Variants in DCAF13 observed in about 807,000 individuals in gnomAD.
DCAF13 encodes the protein DDB1 and CUL4 associated factor 13, also known as DDB1- and CUL4-associated factor 13.
DCAF13 carries 38 observed loss-of-function variants against 59.0 expected under a neutral mutation model. That is an observed-to-expected ratio of 0.64 (90% confidence interval 0.50 to 0.84). The LOEUF (loss-of-function observed/expected upper bound fraction) is 0.84, where lower values mean the gene tolerates loss of function less well. DCAF13 is among the 40% of genes least tolerant of loss of function. The pLI, the probability that DCAF13 is intolerant of heterozygous loss-of-function variation, is 0.00. For missense variants in DCAF13, 469 were observed against 558.4 expected (o/e 0.84, Z 1.61); for synonymous variants, 173 against 175.0 (o/e 0.99, Z 0.09).
chr8:103,424,542 C>T (rs186623337), intron 3 of DCAF13, among the ~76,000 whole-genome samples: 103 of 152,326 alleles, frequency 6.8e-4, no homozygotes, highest in African/African-American at 2.5e-3. Context: ...ATGTTCTAGC[C>T]AGGCACATAT....
chr8:103,421,371 G>T, intron 3 of DCAF13: 1 of 476,124 alleles, frequency 2.1e-6, no homozygotes, highest in Non-Finnish European at 3.9e-6. Context: ...ATGCTAAGAT[G>T]AGTAATTTGT....
intron 7 of DCAF13, 92 bp downstream of exon 7, chr8:103,432,833 G>A: frequency 4.1e-6 from 3 of 726,008 alleles, no homozygotes; most frequent in East Asian, 2.6e-5. Flanking sequence ...CACTAGGTAG[G>A]TATACCTATA....
At chr8:103,420,943 T>C in intron 2 of DCAF13, 32 bp from the exon 3 acceptor site, 1 of 1,348,764 alleles carries the variant, frequency 7.4e-7, no homozygotes, top group Non-Finnish European at 1.1e-6. Context: ...CATTTATAGT[T>C]CACTGAAATT....
chr8:103,425,452 C>CA (rs1217251794), intron 3 of DCAF13, among the ~76,000 whole-genome samples: 1 of 152,184 alleles, frequency 6.6e-6, no homozygotes, highest in Non-Finnish European at 1.5e-5. Context: ...AGTGAAAAGA[C>CA]AAACTATGTC....
intron 1 of DCAF13, among the ~76,000 whole-genome samples, chr8:103,416,202 G>C (rs752800901): frequency 6.6e-6 from 1 of 152,202 alleles, no homozygotes; most frequent in Non-Finnish European, 1.5e-5. Context: ...TGTGTCATTA[G>C]TTTGAATGAG....
intron 1 of DCAF13, among the ~76,000 whole-genome samples, chr8:103,418,872 T>TATATATATATATATATATA: frequency 3.1e-5 from 1 of 31,870 alleles, no homozygotes; most frequent in African/African-American, 1.1e-4. Context: ...ATATATTTTT[T>TATATATATATATATATATA]TTTTTTTTTT....
chr8:103,415,703 T>C (rs1185145069), intron 1 of DCAF13, among the ~76,000 whole-genome samples, 187 bp downstream of exon 1: 1 of 152,172 alleles, frequency 6.6e-6, no homozygotes, highest in Non-Finnish European at 1.5e-5. Flanking sequence ...GTAAAGTCTG[T>C]TCAAGTCCTT....
At chr8:103,426,952 C>G (rs1816799431) in intron 4 of DCAF13, 145 bp from the exon 5 acceptor site, 1 of 555,464 alleles carries the variant, frequency 1.8e-6, no homozygotes, top group Non-Finnish European at 3.0e-6. Context: ...TATTGTTTCC[C>G]CCTTTAAGTA....
chr8:103,440,363 G>T, intron 9 of DCAF13, 92 bp downstream of exon 9: 1 of 1,209,984 alleles, frequency 8.3e-7, no homozygotes, highest in Non-Finnish European at 1.1e-6. Context: ...GGTATTTTTG[G>T]GTATTTTGAT....
intron 9 of DCAF13, 79 bp from the exon 10 acceptor site, chr8:103,441,376 A>G (rs1586136148): frequency 2.2e-6 from 3 of 1,362,918 alleles, no homozygotes; most frequent in East Asian, 4.9e-5. Context: ...GGTTAGGGGG[A>G]AAAGGGTGCT....
At chr8:103,437,979 C>T (rs1816954202) in intron 8 of DCAF13, among the ~76,000 whole-genome samples, 1 of 152,052 alleles carries the variant, frequency 6.6e-6, no homozygotes, top group African/African-American at 2.4e-5. Flanking sequence ...AATAGTAGAA[C>T]TTTTGGTGAG....
rs547637799 is a variant in DCAF13, at chr8:103,426,877, G to A, written c.469-220G>A. 3.3e-5 allele frequency among the ~76,000 whole-genome samples: 5 copies of A among 152,132 alleles called. No individual in the cohort carries two copies. In the South Asian group the frequency reaches 1.0e-3, roughly 32 times the overall value. ...ATGAGGTAGAGATAATTTGTAGTTG[G>A]AAACACGTTAGTAATTTCTAAAACA... On this transcript the variant is annotated intron_variant, in intron 4 of 10. Coordinates refer to ENST00000612750, the MANE Select transcript of DCAF13 (RefSeq NM_015420.7).
At position 103,420,960 on chromosome 8, in the gene DCAF13, T is replaced by G; in HGVS notation, c.271-15T>G. 6.7e-7 allele frequency: 1 copy of G among 1,491,678 alleles called. No homozygotes were observed. The highest frequency in any genetic ancestry group is 1.1e-5 in the South Asian group (1 of 88,646). 92.4% of individuals were successfully genotyped at this position (1,491,678 alleles called of 1,614,324 possible). A position where few individuals can be genotyped will look rare whatever the true frequency, so the allele number is the denominator to read the frequency against. On this transcript the variant is annotated splice_polypyrimidine_tract_variant and intron_variant, in intron 2 of 10. Transcript: ENST00000612750. ...TTTATAGTTCACTGAAATTTCCTGGTATGCCTTATCATAGGTTAGAATTTG... is the reference window on the plus strand; with the variant it reads ...TTTATAGTTCACTGAAATTTCCTGGGATGCCTTATCATAGGTTAGAATTTG...
At chr8:103,420,914 A>T (rs1816713552) in intron 2 of DCAF13, 61 bp from the exon 3 acceptor site, 2 of 1,220,226 alleles carry the variant, frequency 1.6e-6, no homozygotes, top group Non-Finnish European at 2.4e-6. Flanking sequence ...TCAGTGTTGA[A>T]TTTATCCTGA....
chr8:103,422,996 T>G (rs1261114517), intron 3 of DCAF13, among the ~76,000 whole-genome samples: 3 of 151,238 alleles, frequency 2.0e-5, no homozygotes, highest in Non-Finnish European at 4.4e-5. Flanking sequence ...TCGGTTTTGG[T>G]GTAAAAAAAA....
chr8:103,440,316 AT>A (rs1303277081), intron 9 of DCAF13, 45 bp downstream of exon 9: 2 of 1,433,862 alleles, frequency 1.4e-6, no homozygotes, highest in African/African-American at 1.7e-5. Context: ...CTGATTTCTA[AT>A]TTTATTAGAT....
chr8:103,416,462 G>A lies in DCAF13; in HGVS notation c.70+946G>A, dbSNP rs534849351. Among the ~76,000 whole-genome samples, 18 of 152,284 alleles carry A rather than the reference G, an allele frequency of 1.2e-4. No individual in the cohort carries two copies. In the South Asian group the frequency reaches 3.7e-3, roughly 32 times the overall value. ...GTCAGTCACTACGTTTCCCACAAGTGGTTTAGTATTCACCCTTGCAAATCT... is the reference window on the plus strand; with the variant it reads ...GTCAGTCACTACGTTTCCCACAAGTAGTTTAGTATTCACCCTTGCAAATCT... On this transcript the variant is annotated intron_variant, in intron 1 of 10. Coordinates refer to ENST00000612750, the MANE Select transcript of DCAF13 (RefSeq NM_015420.7).
chr8:103,420,932 A>T, intron 2 of DCAF13, 43 bp from the exon 3 acceptor site: 1 of 1,316,152 alleles, frequency 7.6e-7, no homozygotes, highest in Non-Finnish European at 1.1e-6. Flanking sequence ...TGAACATTTT[A>T]CATTTATAGT....
At chr8:103,436,704 G>A (rs1816938997) in intron 8 of DCAF13, among the ~76,000 whole-genome samples, 1 of 152,122 alleles carries the variant, frequency 6.6e-6, no homozygotes, top group South Asian at 2.1e-4. Context: ...ACTAAGTCCT[G>A]TATAGATACA....
Sources: gnomAD v4.1 joint callset for allele counts (sites outside exome capture counted in the v4.1 genomes callset) on GRCh38, gnomAD v4.1.1 for gene constraint, MANE v1.5 for transcripts, NCBI Gene and HGNC (gene_info 2026-07-23, HGNC 2026-07-21) for gene names.